The following MRPS6 variants were observed in gnomAD, a reference collection of about 807,000 sequenced individuals.
The protein encoded by MRPS6 is small ribosomal subunit protein bS6m.
In MRPS6, 6 loss-of-function variants were observed where a neutral mutation model predicts 13.1. The observed-to-expected ratio is 0.46, with a 90% CI of 0.25 to 0.91. The LOEUF is 0.91. Ranked by LOEUF, MRPS6 falls within the 40% of genes least tolerant of loss-of-function variation. The probability of loss-of-function intolerance (pLI) is 0.18; values close to 1 mark genes in which losing one functional copy is unlikely to be tolerated. For synonymous variants in MRPS6, 61 were observed against 56.5 expected (o/e 1.08, Z -0.36); for missense variants, 164 against 155.6 (o/e 1.05, Z -0.29).
chr21:34,141,771 A>G (rs146816674), intron 2 of MRPS6, among the ~76,000 whole-genome samples: 72 of 152,306 alleles, frequency 4.7e-4, no homozygotes, highest in African/African-American at 1.5e-3. Context: ...GACCTTGTCA[A>G]TCTTTGAAGA....
In MRPS6 at chr21:34,096,462, A is replaced by G. The variant is rs1358596841; in HGVS notation, c.45+22717A>G. ...ATTTGTGGCATTTATGGTGGTGATC[A>G]GCATAGCATGGGTGCCAATCATCGT... is the stretch of plus-strand genomic sequence containing the variant. On this transcript the variant is annotated intron_variant, in intron 1 of 2. Coordinates refer to ENST00000399312, the MANE Select transcript of MRPS6 (RefSeq NM_032476.4). This position sits in a 1 kb window ranked among gnomAD's most constrained non-coding sequence, Gnocchi z 5.9. The G allele has an allele frequency of 2.5e-6, 4 of 1,614,092 alleles. No individual in the cohort carries two copies. The highest frequency in any genetic ancestry group is 2.5e-6 in the Non-Finnish European group (3 of 1,180,040).
intron 1 of MRPS6, among the ~76,000 whole-genome samples, chr21:34,094,232 A>AG (rs1569416042): frequency 6.6e-6 from 1 of 152,156 alleles, no homozygotes; most frequent in African/African-American, 2.4e-5. Flanking sequence ...CCATTAGGGC[A>AG]GGGGGCGTCT....
chr21:34,130,998 G>C (rs559697260), intron 2 of MRPS6, among the ~76,000 whole-genome samples: 1 of 152,354 alleles, frequency 6.6e-6, no homozygotes, highest in East Asian at 1.9e-4. Flanking sequence ...CTACCTGGTA[G>C]GCGGAACCAT....
At chr21:34,139,473 ATT>A (rs775537045) in intron 2 of MRPS6, among the ~76,000 whole-genome samples, 81 of 152,294 alleles carry the variant, frequency 5.3e-4, no homozygotes, top group Non-Finnish European at 9.1e-4. Context: ...AACTACACAT[ATT>A]TCGTTAATAA....
intron 1 of MRPS6, among the ~76,000 whole-genome samples, chr21:34,109,319 A>T (rs2040910982): frequency 6.6e-6 from 1 of 152,196 alleles, no homozygotes; most frequent in South Asian, 2.1e-4. Flanking sequence ...CGCTGGCATC[A>T]CGATTGGGCC....
chr21:34,116,214 G>A (rs796638008), intron 1 of MRPS6, among the ~76,000 whole-genome samples: 36 of 145,458 alleles, frequency 2.5e-4, no homozygotes, highest in African/African-American at 8.8e-4. Context: ...GTGTGTGTGT[G>A]TGTATGTGTG....
intron 1 of MRPS6, among the ~76,000 whole-genome samples, chr21:34,107,821 T>G (rs1338447109): frequency 6.6e-6 from 1 of 152,216 alleles, no homozygotes; most frequent in Non-Finnish European, 1.5e-5. Context: ...AATTCTTGAG[T>G]GCTTTGCATT....
chr21:34,087,358 G>A (rs1042948393), intron 1 of MRPS6, among the ~76,000 whole-genome samples: 7 of 152,152 alleles, frequency 4.6e-5, no homozygotes, highest in African/African-American at 1.4e-4. Context: ...TCTTGATGGC[G>A]AAGAACTTAG....
chr21:34,099,658 G>T (rs1979144337), intron 1 of MRPS6: 1 of 997,532 alleles, frequency 1.0e-6, no homozygotes, highest in African/African-American at 1.7e-5. Context: ...GAGAATTAGG[G>T]TCCCTCTACC....
intron 1 of MRPS6, among the ~76,000 whole-genome samples, chr21:34,109,916 C>T (rs1468053322): frequency 7.9e-5 from 12 of 152,054 alleles, no homozygotes; most frequent in Admixed American, 6.6e-4. Flanking sequence ...AAAAAAATCT[C>T]TTTACAGTAG....
intron 1 of MRPS6, among the ~76,000 whole-genome samples, chr21:34,082,720 A>G (rs548557912): frequency 1.3e-5 from 2 of 152,276 alleles, no homozygotes; most frequent in South Asian, 4.1e-4. Flanking sequence ...TATTACCTTG[A>G]CTAACCTTCT....
rs760795959 is a variant in MRPS6, at chr21:34,096,856, T to C, written c.45+23111T>C. 3 of 1,614,002 alleles carry C rather than the reference T, an allele frequency of 1.9e-6. No homozygotes were observed. The highest frequency in any genetic ancestry group is 1.7e-5 in the Admixed American group (1 of 59,996). ...ACCTTTTGGTCTAAGAAGAACCTGG[T>C]GGTGAAGGAGAACTGCTCCCCAAAA... On this transcript the variant is annotated intron_variant, in intron 1 of 2. Transcript: ENST00000399312. This position sits in a 1 kb window ranked among gnomAD's most constrained non-coding sequence, Gnocchi z 5.9.
chr21:34,088,854 CTTAGG>C (rs1367825047), intron 1 of MRPS6, among the ~76,000 whole-genome samples: 5 of 151,374 alleles, frequency 3.3e-5, no homozygotes, highest in African/African-American at 7.3e-5. Context: ...GGTGTTAGGA[CTTAGG>C]TTAGTGTAAG....
At chr21:34,097,002 G>A in intron 1 of MRPS6, 3 of 1,614,124 alleles carry the variant, frequency 1.9e-6, no homozygotes, top group Non-Finnish European at 2.5e-6. Flanking sequence ...TCAGCCTGAA[G>A]ATGTTAATCT....
intron 1 of MRPS6, chr21:34,105,211 G>A (rs972663756): frequency 8.0e-5 from 80 of 1,000,134 alleles, no homozygotes; most frequent in Non-Finnish European, 8.7e-5. Context: ...AAATAGAGCA[G>A]GGATTTACCC....
At chr21:34,120,560 TAAA>T (rs1035890705) in intron 1 of MRPS6, among the ~76,000 whole-genome samples, 1 of 152,194 alleles carries the variant, frequency 6.6e-6, no homozygotes, top group Non-Finnish European at 1.5e-5. Flanking sequence ...GTAATTAATA[TAAA>T]AAATTAGCTT....
At chr21:34,087,933 G>A (rs1978480343) in intron 1 of MRPS6, among the ~76,000 whole-genome samples, 1 of 152,222 alleles carries the variant, frequency 6.6e-6, no homozygotes, top group Non-Finnish European at 1.5e-5. Context: ...AAAGTGAGCA[G>A]TCAAGGATGA....
chr21:34,105,416 CTTCA>C (rs1226880122), intron 1 of MRPS6: 13 of 998,334 alleles, frequency 1.3e-5, no homozygotes, highest in Non-Finnish European at 1.4e-5. Flanking sequence ...TGTGAAATTG[CTTCA>C]TTCATTCATT....
chr21:34,133,581 G>A (rs1301744449), intron 2 of MRPS6, among the ~76,000 whole-genome samples: 1 of 152,228 alleles, frequency 6.6e-6, no homozygotes, highest in Non-Finnish European at 1.5e-5. Flanking sequence ...TTGACTGTAA[G>A]GAAGGGCAGG....
Sources: allele counts gnomAD v4.1 joint callset (sites outside exome capture counted in the v4.1 genomes callset), GRCh38; gene constraint gnomAD v4.1.1; non-coding constraint Gnocchi (gnomAD v3.1); transcripts MANE v1.5; gene names NCBI Gene and HGNC (gene_info 2026-07-23, HGNC 2026-07-21).